PLAUR: variants seen among roughly 807,000 people sequenced by gnomAD.
PLAUR encodes plasminogen activator, urokinase receptor, also known as urokinase plasminogen activator surface receptor.
A neutral mutation model predicts 33.4 loss-of-function variants in PLAUR; 22 were observed. That is an observed-to-expected ratio of 0.66 (90% CI 0.47 to 0.94). The LOEUF is 0.94. Ranked by LOEUF, PLAUR falls within the 40% of genes least tolerant of loss-of-function variation. The probability of loss-of-function intolerance (pLI) is 0.00; values close to 1 mark genes in which losing one functional copy is unlikely to be tolerated. For synonymous variants in PLAUR, 148 were observed against 167.3 expected, an observed-to-expected ratio of 0.88 and a Z score of 0.89; for missense variants, 408 against 434.7, an observed-to-expected ratio of 0.94 and a Z score of 0.55.
At chr19:43,669,218 C>G (rs1967413145) in intron 1 of PLAUR, among the ~76,000 whole-genome samples, 1 of 152,208 alleles carries the variant, frequency 6.6e-6, no homozygotes, top group African/African-American at 2.4e-5. Context: ...AGGGAAAGGT[C>G]CTGAGGGACA....
chr19:43,649,665 A>G (rs1973910358), intron 6 of PLAUR, among the ~76,000 whole-genome samples: 1 of 149,566 alleles, frequency 6.7e-6, no homozygotes. Flanking sequence ...AAGGAAGGAG[A>G]AGGGAAAGAA....
At chr19:43,667,727 T>C (rs1466829109) in intron 1 of PLAUR, 36 bp from the exon 2 acceptor site, 1 of 1,608,118 alleles carries the variant, frequency 6.2e-7, no homozygotes. Flanking sequence ...AGAGGTTAAC[T>C]ACGCTTAGCT....
At chr19:43,669,585 G>T (rs1967430975) in intron 1 of PLAUR, among the ~76,000 whole-genome samples, 1 of 152,094 alleles carries the variant, frequency 6.6e-6, no homozygotes, top group South Asian at 2.1e-4. Flanking sequence ...GCCGAGGCAG[G>T]TGGATCATCT....
intron 3 of PLAUR, among the ~76,000 whole-genome samples, chr19:43,662,722 T>C (rs959650585): frequency 3.8e-4 from 6 of 15,716 alleles, no homozygotes; most frequent in African/African-American, 1.5e-3. Context: ...TTTCCACTGT[T>C]TTTTTTTTTT....
intron 5 of PLAUR, among the ~76,000 whole-genome samples, chr19:43,655,191 C>T (rs928465296): frequency 2.7e-5 from 4 of 146,686 alleles, no homozygotes; most frequent in Admixed American, 7.0e-5. Flanking sequence ...GCAGGAGAAT[C>T]GCTTGAACTC....
intron 1 of PLAUR, 60 bp downstream of exon 1, chr19:43,670,006 C>A: frequency 6.5e-7 from 1 of 1,527,074 alleles, no homozygotes; most frequent in Non-Finnish European, 9.0e-7. Flanking sequence ...CCTCTGACAA[C>A]CCCCAACCCC....
intron 5 of PLAUR, among the ~76,000 whole-genome samples, chr19:43,652,773 C>G (rs888893375): frequency 6.6e-6 from 1 of 152,112 alleles, no homozygotes; most frequent in Admixed American, 6.6e-5. Context: ...ACATCAGCCT[C>G]CTGAGTAGCT....
At position 43,656,543 on chromosome 19, in the gene PLAUR, C is replaced by T. The variant is rs1974218738; in HGVS notation, c.408G>A (p.Gln136=). 1 of 1,613,066 alleles carries T rather than the reference C, an allele frequency of 6.2e-7. No individual in the cohort carries two copies. Among genetic ancestry groups the T allele is most frequent in the African/African-American group, 1.3e-5 (1 of 74,996 alleles). ...GGCACTGTTCTTCAGGGCTGCGGCA[C>T]TGCAGGCTCTGGTGCCGGCCCCTCT... is the stretch of plus-strand genomic sequence containing the variant. ...SCERGRHQSL[Q]CRSPEEQCLD... is the part of the protein sequence containing the mutation. Residue 136 remains glutamine, a synonymous_variant, in exon 4 of 7, where the codon CAG becomes CAA. Transcript: ENST00000340093.
intron 1 of PLAUR, chr19:43,668,254 C>G (rs1967350198): frequency 1.0e-6 from 1 of 987,212 alleles, no homozygotes. Flanking sequence ...CATCAGCCCT[C>G]CGGAGTTTCT....
Position 43,648,914 on chromosome 19 carries a change from C to T in PLAUR, c.984G>A (p.Trp328Ter). Residue 328 changes from tryptophan (W) to a stop codon, truncating the protein, a stop_gained, in exon 7 of 7, where the codon TGG (tryptophan) becomes TGA (stop). Coordinates refer to ENST00000340093, the MANE Select transcript of PLAUR (RefSeq NM_002659.4). LOFTEE classifies it high-confidence loss of function. ...TTTAGGTCCAGAGGAGAGTGCCTCC[C>T]CACAGTCTGGCAGTCATTAGCAGGG... Reference protein sequence around the residue: ...TITLLMTARLWGGTLLWT With the variant: ...TITLLMTARL 6.2e-7 allele frequency: 1 copy of T among 1,613,902 alleles called. No homozygotes were observed. The highest frequency in any genetic ancestry group is 8.5e-7 in the Non-Finnish European group (1 of 1,179,868).
At chr19:43,667,521 T>G in intron 2 of PLAUR, 60 bp downstream of exon 2, 3 of 1,191,706 alleles carry the variant, frequency 2.5e-6, no homozygotes, top group South Asian at 1.2e-5. Flanking sequence ...GAGGAAGGTT[T>G]CTCAATCACT....
At chr19:43,655,971 G>A (rs983888916) in intron 4 of PLAUR, among the ~76,000 whole-genome samples, 1 of 152,084 alleles carries the variant, frequency 6.6e-6, no homozygotes, top group Non-Finnish European at 1.5e-5. Context: ...AAACAAGAGG[G>A]TGGCCGGGCG....
chr19:43,646,442 ATC>A (rs1341030264), downstream of PLAUR: 5 of 717,884 alleles, frequency 7.0e-6, no homozygotes, highest in Non-Finnish European at 1.3e-5. Context: ...CTGGGGCTCT[ATC>A]TCCACATGGC....
At position 43,655,641 on chromosome 19, in the gene PLAUR, G is replaced by A. The variant is rs1471660642; in HGVS notation, c.473-68C>T. On this transcript the variant is annotated intron_variant, in intron 4 of 6. Coordinates refer to ENST00000340093, the MANE Select transcript of PLAUR (RefSeq NM_002659.4). ...TGAGGGACTAAGATGGGATTTGCCC[G>A]AAATAGCAGGCATTCAACCATTCTC... The A allele has an allele frequency of 3.4e-5, 48 of 1,416,344 alleles. 1 individual carries two copies. Among genetic ancestry groups the A allele is most frequent in the Admixed American group, 6.4e-5 (3 of 46,544 alleles). 87.7% of individuals were successfully genotyped at this position (1,416,344 alleles called of 1,614,324 possible). A position where few individuals can be genotyped will look rare whatever the true frequency, so the allele number is the denominator to read the frequency against.
At chr19:43,661,766 A>C (rs1024756099) in intron 3 of PLAUR, among the ~76,000 whole-genome samples, 3 of 152,140 alleles carry the variant, frequency 2.0e-5, no homozygotes, top group Non-Finnish European at 4.4e-5. Context: ...CAGCATTTGC[A>C]ACTGTCATTG....
At chr19:43,664,565 C>T (rs554267561) in intron 3 of PLAUR, among the ~76,000 whole-genome samples, 7 of 152,364 alleles carry the variant, frequency 4.6e-5, no homozygotes, top group Admixed American at 1.3e-4. Flanking sequence ...CCGCCTTGGT[C>T]TCCCAAAGTG....
intron 3 of PLAUR, chr19:43,660,499 G>C (rs1966932542): frequency 1.3e-5 from 2 of 151,086 alleles, no homozygotes; most frequent in African/African-American, 2.4e-5. Context: ...TAAAGATGGG[G>C]TCTTGCTATG....
intron 1 of PLAUR, among the ~76,000 whole-genome samples, chr19:43,669,582 C>G (rs1313940132): frequency 6.6e-6 from 1 of 152,040 alleles, no homozygotes; most frequent in African/African-American, 2.4e-5. Context: ...GAGGCCGAGG[C>G]AGGTGGATCA....
At chr19:43,655,276 CA>C (rs34689348) in intron 5 of PLAUR, among the ~76,000 whole-genome samples, 162 bp downstream of exon 5, 1,719 of 66,190 alleles carry the variant, frequency 0.026, 4 homozygotes, top group African/African-American at 0.046. Flanking sequence ...GACTCCGTCT[CA>C]AAAAAAAAAA....
Sources: gnomAD v4.1 joint callset for allele counts (sites outside exome capture counted in the v4.1 genomes callset) on GRCh38, gnomAD v4.1.1 for gene constraint, MANE v1.5 for transcripts, NCBI Gene and HGNC (gene_info 2026-07-23, HGNC 2026-07-21) for gene names.